ASIC2: variants seen among roughly 807,000 people sequenced by gnomAD.
ASIC2 encodes the protein acid-sensing ion channel 2.
ASIC2 carries 25 observed loss-of-function variants against 57.3 expected under a neutral mutation model. The ratio of observed to expected loss-of-function variants is 0.44; its 90% CI spans 0.32 to 0.61. The LOEUF (loss-of-function observed/expected upper bound fraction) is 0.61. Ranked by LOEUF, ASIC2 falls within the 20% of genes least tolerant of loss-of-function variation. The pLI is 0.06. For missense variants in ASIC2, 641 were observed against 738.1 expected (o/e 0.87, Z 1.52); for synonymous variants, 319 against 307.5 (o/e 1.04, Z -0.39).
intron 3 of ASIC2, among the ~76,000 whole-genome samples, chr17:33,087,885 T>A (rs1046315854): frequency 2.0e-5 from 3 of 152,074 alleles, no homozygotes; most frequent in Non-Finnish European, 4.4e-5. Flanking sequence ...ATGCAGAATA[T>A]CATTTTATAA....
At chr17:33,330,370 G>A (rs1324780159) in intron 1 of ASIC2, among the ~76,000 whole-genome samples, 1 of 152,132 alleles carries the variant, frequency 6.6e-6, no homozygotes, top group Non-Finnish European at 1.5e-5. Flanking sequence ...AGGACTGCAG[G>A]GAGGCTGCTG....
At chr17:33,568,947 C>T (rs1447112068) in intron 1 of ASIC2, among the ~76,000 whole-genome samples, 3 of 152,162 alleles carry the variant, frequency 2.0e-5, no homozygotes, top group African/African-American at 7.2e-5. Context: ...AGGCAGATGG[C>T]AGGCTCATTT....
intron 1 of ASIC2, among the ~76,000 whole-genome samples, chr17:33,607,516 G>A (rs889027030): frequency 1.8e-4 from 27 of 152,086 alleles, no homozygotes; most frequent in Admixed American, 5.9e-4. Flanking sequence ...GCGATCTTTC[G>A]AAAGCTGTTT....
At chr17:34,000,388 A>T (rs996055691) in intron 1 of ASIC2, among the ~76,000 whole-genome samples, 24 of 151,602 alleles carry the variant, frequency 1.6e-4, no homozygotes, top group African/African-American at 5.6e-4. Context: ...AGTAGCTGGG[A>T]TTACAGGCGT....
chr17:34,087,023 C>A (rs932317395), intron 1 of ASIC2, among the ~76,000 whole-genome samples: 75 of 152,188 alleles, frequency 4.9e-4, no homozygotes, highest in African/African-American at 1.6e-3. Context: ...TTAATTGGAG[C>A]ATTTAGTCCA....
rs546225287 is a variant in ASIC2 at position 34,124,314 on chromosome 17, TG to T, written c.555+31663del. Reference sequence around the variant, plus strand: ...TATACTTTCTAAGCAGTTTAAAGGCTGCTTCACGCACCGAAGCACCACTGAC... The same window carrying T: ...TATACTTTCTAAGCAGTTTAAAGGCTCTTCACGCACCGAAGCACCACTGAC... On this transcript the variant is annotated intron_variant, in intron 1 of 9. Transcript: ENST00000359872. 3.9e-3 allele frequency among the ~76,000 whole-genome samples: 592 copies of T among 152,264 alleles called. 3 individuals are homozygous for T. The highest frequency in any genetic ancestry group is 0.013 in the African/African-American group (548 of 41,540).
intron 1 of ASIC2, among the ~76,000 whole-genome samples, chr17:33,562,313 G>A (rs183468985): frequency 5.9e-5 from 9 of 151,706 alleles, no homozygotes; most frequent in African/African-American, 1.5e-4. Flanking sequence ...TATCTCTGTC[G>A]CTTTCTGGTG....
intron 1 of ASIC2, among the ~76,000 whole-genome samples, chr17:34,141,692 T>C (rs1912277445): frequency 6.6e-6 from 1 of 152,218 alleles, no homozygotes; most frequent in Non-Finnish European, 1.5e-5. Flanking sequence ...TTCCTGGACA[T>C]GCTAAGCGTT....
At chr17:33,823,363 A>G (rs151121864) in intron 1 of ASIC2, among the ~76,000 whole-genome samples, 33 of 152,310 alleles carry the variant, frequency 2.2e-4, no homozygotes, top group African/African-American at 7.9e-4. Flanking sequence ...GGGTTGGGGA[A>G]GGTTTAAACG....
intron 1 of ASIC2, among the ~76,000 whole-genome samples, chr17:33,343,179 G>T (rs1006696031): frequency 2.0e-5 from 3 of 152,156 alleles, no homozygotes; most frequent in African/African-American, 7.2e-5. Context: ...GCCCAGATGG[G>T]TCCTGCCCAG....
intron 1 of ASIC2, among the ~76,000 whole-genome samples, chr17:33,374,372 A>G (rs892110121): frequency 6.6e-6 from 1 of 152,078 alleles, no homozygotes; most frequent in Non-Finnish European, 1.5e-5. Flanking sequence ...TCATGACTCA[A>G]TGGGTCCCGT....
intron 1 of ASIC2, among the ~76,000 whole-genome samples, chr17:33,765,113 G>GA (rs1910895741): frequency 6.7e-6 from 1 of 148,304 alleles, no homozygotes; most frequent in Admixed American, 6.7e-5. Flanking sequence ...ATTGTTTTTT[G>GA]TTTTTTTTTT....
chr17:33,592,677 G>C lies in ASIC2; in HGVS notation c.556-480610C>G, dbSNP rs1904863343. ...GTAGATAGGACTGGACTGCGAGCAG[G>C]AAATCTCTACCCCGGACCAAAGTGA... On this transcript the variant is annotated intron_variant, in intron 1 of 9. Transcript: ENST00000359872. Among the ~76,000 whole-genome samples, 3 of 151,974 alleles carry C rather than the reference G, an allele frequency of 2.0e-5. No individual in the cohort carries two copies. The South Asian group carries it at 6.2e-4, about 32-fold the overall frequency.
chr17:33,345,311 T>A (rs548769053), intron 1 of ASIC2, among the ~76,000 whole-genome samples: 1 of 152,352 alleles, frequency 6.6e-6, no homozygotes, highest in South Asian at 2.1e-4. Context: ...TCAGGTATGA[T>A]TCGAGGCACT....
chr17:33,637,761 A>C (rs1906417940), intron 1 of ASIC2, among the ~76,000 whole-genome samples: 1 of 152,238 alleles, frequency 6.6e-6, no homozygotes. Context: ...TGCTGCACAA[A>C]TGAAACTAGT....
chr17:33,296,872 T>A (rs940838973), upstream of ASIC2, among the ~76,000 whole-genome samples: 2 of 152,242 alleles, frequency 1.3e-5, no homozygotes, highest in African/African-American at 4.8e-5. Context: ...TTGGAAAGTA[T>A]CTGAGATACT....
Position 33,948,607 on chromosome 17 carries a change from G to A in ASIC2, c.555+207371C>T, listed in dbSNP as rs189377283. ...TAAGTCTGCACTACACAGAGAAGGC[G>A]TGAGGACTGGCCCTGGCTTTAGAAA... On this transcript the variant is annotated intron_variant, in intron 1 of 9. Transcript: ENST00000359872. 2.8e-3 allele frequency among the ~76,000 whole-genome samples: 422 copies of A among 152,342 alleles called. 2 individuals carry two copies. The highest frequency in any genetic ancestry group is 9.7e-3 in the African/African-American group (403 of 41,582).
chr17:33,188,425 T>A (rs1158271717), intron 1 of ASIC2, among the ~76,000 whole-genome samples: 1 of 152,142 alleles, frequency 6.6e-6, no homozygotes, highest in East Asian at 1.9e-4. Context: ...TTTTTCAAAA[T>A]TTGATAAAAA....
chr17:33,712,234 A>T (rs1909057901), intron 1 of ASIC2, among the ~76,000 whole-genome samples: 1 of 152,124 alleles, frequency 6.6e-6, no homozygotes, highest in African/African-American at 2.4e-5. Flanking sequence ...TGTGCAGGCA[A>T]TGGGAATGGG....
Sources: gnomAD v4.1 joint callset for allele counts (sites outside exome capture counted in the v4.1 genomes callset) on GRCh38, gnomAD v4.1.1 for gene constraint, MANE v1.5 for transcripts, NCBI Gene and HGNC (gene_info 2026-07-23, HGNC 2026-07-21) for gene names.